Variants in CRP observed in about 807,000 individuals in gnomAD.
CRP encodes C-reactive protein, pentraxin-related.
In CRP, 6 loss-of-function variants were observed where a neutral mutation model predicts 3.0. That is an observed-to-expected ratio of 2.02 (90% CI 1.11 to 3.99). The LOEUF is 3.99. CRP is among the 30% of genes most tolerant of loss of function. The pLI, the probability that CRP is intolerant of heterozygous loss-of-function variation, is 0.00. For missense variants in CRP, 297 were observed against 271.0 expected (o/e 1.10, Z -0.67); for synonymous variants, 130 against 111.0 (o/e 1.17, Z -1.08).
In CRP at chr1:159,714,580, C is replaced by G; in HGVS notation, c.-95G>C. On this transcript the variant is annotated 5_prime_UTR_variant, in exon 1 of 2. Transcript: ENST00000255030. Reference sequence around the variant, plus strand: ...AGTTCAGGGGCTAGAAGTCCTAGATCTCTTGCCTTAGAGCTACCTCCTCCT... The same window carrying G: ...AGTTCAGGGGCTAGAAGTCCTAGATGTCTTGCCTTAGAGCTACCTCCTCCT... The G allele has an allele frequency of 7.3e-7, 1 of 1,371,522 alleles. No individual in the cohort carries two copies. Among genetic ancestry groups the G allele is most frequent in the Non-Finnish European group, 1.0e-6 (1 of 975,722 alleles). 85.0% of individuals were successfully genotyped at this position (1,371,522 alleles called of 1,614,324 possible).
Position 159,713,714 on chromosome 1 carries a change from C to T in CRP, c.486G>A (p.Gly162=). The change falls in exon 2 of 2, where the codon GGG becomes GGA. Residue 162 remains glycine, a synonymous_variant. Transcript: ENST00000255030. ...ILGQEQDSFG[G]NFEGSQSLVG... The stretch of plus-strand genomic sequence containing the variant: ...CCAGGGACTGGCTTCCTTCAAAGTT[C>T]CCACCGAAGGAATCCTGCTCCTGCC... 1 of 1,614,134 alleles carries T rather than the reference C, an allele frequency of 6.2e-7. No individual in the cohort carries two copies. The highest frequency in any genetic ancestry group is 8.5e-7 in the Non-Finnish European group (1 of 1,180,028).
chr1:159,713,585 C>T lies in CRP; in HGVS notation c.615G>A (p.Trp205Ter), dbSNP rs182799009. Reference protein sequence around the residue: ...GGPFSPNVLNWRALKYEVQGE... With the variant: ...GGPFSPNVLN ...CTTGCACTTCATACTTCAGTGCCCG[C>T]CAGTTCAGGACATTAGGACTGAAGG... Residue 205 changes from tryptophan to a stop codon, truncating the protein, a stop_gained, in exon 2 of 2, where the codon TGG (tryptophan) becomes TGA (stop). Transcript: ENST00000255030. LOFTEE classifies it low-confidence loss of function (END_TRUNC). 2 of 1,614,146 alleles carry T rather than the reference C, an allele frequency of 1.2e-6. No homozygotes were observed. Among genetic ancestry groups the T allele is most frequent in the East Asian group, 4.5e-5 (2 of 44,876 alleles).
Position 159,713,804 on chromosome 1 carries a change from C to T in CRP, c.396G>A (p.Lys132=). ...TCTTCAGACTCTTCCTCACCCTGGG[C>T]TTCCCATCTACCCAGAACTCCACGA... ...SGIVEFWVDG[K]PRVRKSLKKG... is the part of the protein sequence containing the mutation. The change falls in exon 2 of 2, where the codon AAG becomes AAA. Residue 132 remains lysine (K), a synonymous_variant. Coordinates refer to ENST00000255030, the MANE Select transcript of CRP (RefSeq NM_000567.3). 1 of 1,614,128 alleles carries T rather than the reference C, an allele frequency of 6.2e-7. No individual in the cohort carries two copies. The highest frequency in any genetic ancestry group is 8.5e-7 in the Non-Finnish European group (1 of 1,180,024).
rs777866970 is a variant in CRP at position 159,713,514 on chromosome 1, A to G, written c.*11T>C. The G allele has an allele frequency of 3.7e-6, 6 of 1,601,416 alleles. No individual in the cohort carries two copies. The highest frequency in any genetic ancestry group is 1.1e-5 in the South Asian group (1 of 89,866). ...AAACCGGGAGGTACCTTCAGGACCCACAGCTGGGCCTCAGGGCCACAGCTG... is the reference window on the plus strand; with the variant it reads ...AAACCGGGAGGTACCTTCAGGACCCGCAGCTGGGCCTCAGGGCCACAGCTG... On this transcript the variant is annotated 3_prime_UTR_variant, in exon 2 of 2. Coordinates refer to ENST00000255030, the MANE Select transcript of CRP (RefSeq NM_000567.3).
chr1:159,714,241 C>T, intron 1 of CRP, 103 bp from the exon 2 acceptor site: 4 of 1,370,642 alleles, frequency 2.9e-6, no homozygotes, highest in Non-Finnish European at 3.9e-6. Flanking sequence ...AGACTGACCC[C>T]TTCTCCAGTT....
Position 159,713,417 on chromosome 1 carries a change from G to C in CRP, c.*108C>G, listed in dbSNP as rs113028201. 2.3e-4 allele frequency: 328 copies of C among 1,417,862 alleles called. 2 individuals are homozygous for C. In the African/African-American group the frequency reaches 3.6e-3, roughly 15 times the overall value. The allele number at this position is 1,417,862 out of a possible 1,614,324, so 87.8% of individuals were successfully genotyped here. A position where few individuals can be genotyped will look rare whatever the true frequency, so the allele number is the denominator to read the frequency against. On this transcript the variant is annotated 3_prime_UTR_variant, in exon 2 of 2. Coordinates refer to ENST00000255030, the MANE Select transcript of CRP (RefSeq NM_000567.3). ...AGGGGAACAAAGGCCCAGAGACAGA[G>C]ACGTGGGAACCATGCAGTGTAAAAA... is the stretch of plus-strand genomic sequence containing the variant.
Position 159,714,011 on chromosome 1 carries a change from C to A in CRP, c.189G>T (p.Ser63=). Residue 63 remains serine (S), a synonymous_variant, in exon 2 of 2, where the codon TCG becomes TCT. Coordinates refer to ENST00000255030, the MANE Select transcript of CRP (RefSeq NM_000567.3). ...ACGAGAAAATACTGTACCCACGGGT[C>A]GAGGACAGTTCCGTGTAGAAGTGGA... ...VCLHFYTELS[S]TRGYSIFSYA... The A allele has an allele frequency of 1.2e-6, 2 of 1,613,416 alleles. No individual in the cohort carries two copies. The highest frequency in any genetic ancestry group is 1.7e-6 in the Non-Finnish European group (2 of 1,179,998).
intron 1 of CRP, 110 bp from the exon 2 acceptor site, chr1:159,714,248 A>G: frequency 1.6e-6 from 2 of 1,265,618 alleles, no homozygotes; most frequent in Non-Finnish European, 2.2e-6. Context: ...CCCCTTCTCC[A>G]GTTACACACC....
At position 159,713,601 on chromosome 1, in the gene CRP, G is replaced by T; in HGVS notation, c.599C>A (p.Pro200His). 1 of 1,614,192 alleles carries T rather than the reference G, an allele frequency of 6.2e-7. No homozygotes were observed. The highest frequency in any genetic ancestry group is 8.5e-7 in the Non-Finnish European group (1 of 1,180,034). ...NTIYLGGPFS[P>H]NVLNWRALKY... ...CAGTGCCCGCCAGTTCAGGACATTA[G>T]GACTGAAGGGCCCGCCAAGATAGAT... Residue 200 changes from proline to histidine, a missense_variant, in exon 2 of 2, where the codon CCT becomes CAT. Physicochemically the swap from Pro to His is moderately conservative, Grantham distance 77. Coordinates refer to ENST00000255030, the MANE Select transcript of CRP (RefSeq NM_000567.3).
chr1:159,713,949 A>C lies in CRP; in HGVS notation c.251T>G (p.Phe84Cys). Residue 84 changes from phenylalanine (F) to cysteine (C), a missense_variant, in exon 2 of 2, where the codon TTT becomes TGT. Physicochemically the swap from Phe to Cys is radical, Grantham distance 205. Transcript: ENST00000255030. ...ACTGTATCCTATATCCTTAGACCAA[A>C]ATATGAGAATCTCATTGTCTTGTCT... ...TKRQDNEILI[F>C]WSKDIGYSFT... 1 of 1,613,966 alleles carries C rather than the reference A, an allele frequency of 6.2e-7. No individual in the cohort carries two copies. The highest frequency in any genetic ancestry group is 8.5e-7 in the Non-Finnish European group (1 of 1,180,008).
rs576659962 is a variant in CRP at position 159,713,332 on chromosome 1, C to T, written c.*193G>A. On this transcript the variant is annotated 3_prime_UTR_variant, in exon 2 of 2. Coordinates refer to ENST00000255030, the MANE Select transcript of CRP (RefSeq NM_000567.3). ...CAGCATAGTTAACGAGCTCCCAGAC[C>T]AGACACTTTACCTCCATTCTCAGGC... 8.1e-6 allele frequency: 5 copies of T among 614,460 alleles called. No individual in the cohort carries two copies. Among genetic ancestry groups the T allele is most frequent in the South Asian group, 5.6e-5 (2 of 35,516 alleles). 38.1% of individuals were successfully genotyped at this position (614,460 alleles called of 1,614,324 possible).
In CRP at chr1:159,714,142, T is replaced by C; in HGVS notation, c.62-4A>G. ...ACAAAAGCCTTCCTCGACATGTCTG[T>C]GAGCCAGAAAAACAAGCAAATGTGA... is the stretch of plus-strand genomic sequence containing the variant. On this transcript the variant is annotated splice_polypyrimidine_tract_variant and splice_region_variant and intron_variant, in intron 1 of 1. Coordinates refer to ENST00000255030, the MANE Select transcript of CRP (RefSeq NM_000567.3). 1 of 1,603,422 alleles carries C rather than the reference T, an allele frequency of 6.2e-7. No individual in the cohort carries two copies. The highest frequency in any genetic ancestry group is 8.5e-7 in the Non-Finnish European group (1 of 1,177,014).
Position 159,714,118 on chromosome 1 carries a change from C to T in CRP, c.82G>A (p.Val28Met), listed in dbSNP as rs780247434. Reference protein sequence around the residue: ...GQTDMSRKAFVFPKESDTSYV... With the variant: ...GQTDMSRKAFMFPKESDTSYV... Reference sequence around the variant, plus strand: ...GAAGTATCCGACTCTTTGGGAAACACAAAAGCCTTCCTCGACATGTCTGTG... The same window carrying T: ...GAAGTATCCGACTCTTTGGGAAACATAAAAGCCTTCCTCGACATGTCTGTG... Residue 28 changes from valine to methionine, a missense_variant, in exon 2 of 2, where the codon GTG (valine) becomes ATG (methionine). Val to Met is a conservative substitution (Grantham distance 21). Coordinates refer to ENST00000255030, the MANE Select transcript of CRP (RefSeq NM_000567.3). 5 of 1,611,188 alleles carry T rather than the reference C, an allele frequency of 3.1e-6. No individual in the cohort carries two copies. The South Asian group carries it at 5.5e-5, about 18-fold the overall frequency.
In CRP at chr1:159,714,044, A is replaced by C. The variant is rs1203927265; in HGVS notation, c.156T>G (p.Thr52=). ...APLTKPLKAF[T]VCLHFYTELS... ...GTTCCGTGTAGAAGTGGAGGCACACAGTGAAGGCTTTGAGAGGCTTCGTTA... is the reference window on the plus strand; with the variant it reads ...GTTCCGTGTAGAAGTGGAGGCACACCGTGAAGGCTTTGAGAGGCTTCGTTA... Residue 52 remains threonine (T), a synonymous_variant, in exon 2 of 2, where the codon ACT becomes ACG. Coordinates refer to ENST00000255030, the MANE Select transcript of CRP (RefSeq NM_000567.3). 6.2e-7 allele frequency: 1 copy of C among 1,613,526 alleles called. No individual in the cohort carries two copies. The highest frequency in any genetic ancestry group is 1.3e-5 in the African/African-American group (1 of 74,884).
rs139807012 is a variant in CRP at position 159,713,295 on chromosome 1, T to C, written c.*230A>G. The C allele has an allele frequency of 4.7e-5, 23 of 489,988 alleles. No individual in the cohort carries two copies. The East Asian group carries it at 6.9e-4, about 15-fold the overall frequency. 30.4% of individuals were successfully genotyped at this position (489,988 alleles called of 1,614,324 possible). On this transcript the variant is annotated 3_prime_UTR_variant, in exon 2 of 2. Coordinates refer to ENST00000255030, the MANE Select transcript of CRP (RefSeq NM_000567.3). The stretch of plus-strand genomic sequence containing the variant: ...AAAACACCTCAAATTCTGATTCTTT[T>C]GGACCGTTTCCCAGCATAGTTAACG...
intron 1 of CRP, 74 bp downstream of exon 1, chr1:159,714,351 A>C (rs1660772292): frequency 1.7e-6 from 2 of 1,205,116 alleles, no homozygotes; most frequent in Non-Finnish European, 2.3e-6. Context: ...TTTTTTTGAG[A>C]CTGTTCATGC....
In CRP at chr1:159,713,870, A is replaced by C. The variant is rs1660746957; in HGVS notation, c.330T>G (p.Ala110=). 6.2e-7 allele frequency: 1 copy of C among 1,614,132 alleles called. No individual in the cohort carries two copies. The highest frequency in any genetic ancestry group is 1.1e-5 in the South Asian group (1 of 91,076). ...ILFEVPEVTV[A]PVHICTSWES... is the part of the protein sequence containing the mutation. Reference sequence around the variant, plus strand: ...CCCAGCTTGTACAAATGTGTACTGGAGCTACTGTGACTTCAGGAACCTCGA... The same window carrying C: ...CCCAGCTTGTACAAATGTGTACTGGCGCTACTGTGACTTCAGGAACCTCGA... The change falls in exon 2 of 2, where the codon GCT becomes GCG. Residue 110 remains alanine (A), a synonymous_variant. Transcript: ENST00000255030.
chr1:159,713,719 C>T lies in CRP; in HGVS notation c.481G>A (p.Gly161Ser), dbSNP rs376890049. 5.8e-5 allele frequency: 94 copies of T among 1,614,004 alleles called. No homozygotes were observed. Among genetic ancestry groups the T allele is most frequent in the East Asian group, 2.7e-4 (12 of 44,896 alleles). Residue 161 changes from glycine to serine, a missense_variant, in exon 2 of 2, where the codon GGT (glycine) becomes AGT (serine). Physicochemically the swap from Gly to Ser is moderately conservative, Grantham distance 56 (BLOSUM62 0). Transcript: ENST00000255030. ...IILGQEQDSF[G>S]GNFEGSQSLV... ...GACTGGCTTCCTTCAAAGTTCCCAC[C>T]GAAGGAATCCTGCTCCTGCCCCAAG...
chr1:159,714,548 G>A lies in CRP; in HGVS notation c.-63C>T, dbSNP rs756387151. 142 of 1,580,116 alleles carry A rather than the reference G, an allele frequency of 9.0e-5. No individual in the cohort carries two copies. The highest frequency in any genetic ancestry group is 1.0e-4 in the Admixed American group (6 of 58,544). On this transcript the variant is annotated 5_prime_UTR_variant, in exon 1 of 2. Coordinates refer to ENST00000255030, the MANE Select transcript of CRP (RefSeq NM_000567.3). The stretch of plus-strand genomic sequence containing the variant: ...TCACTCCTTTGGAAAAGATGTATTC[G>A]GCTGAAAGTTCAGGGGCTAGAAGTC...
Sources: gnomAD v4.1 joint callset for allele counts on GRCh38, gnomAD v4.1.1 for gene constraint, MANE v1.5 for transcripts, NCBI Gene and HGNC (gene_info 2026-07-23, HGNC 2026-07-21) for gene names.